Variants in CCDC3 observed in about 807,000 individuals in gnomAD.
The protein encoded by CCDC3 is coiled-coil domain-containing protein 3.
A neutral mutation model predicts 21.4 loss-of-function variants in CCDC3; 24 were observed. The ratio of observed to expected loss-of-function variants is 1.12; its 90% CI spans 0.81 to 1.58. The LOEUF (loss-of-function observed/expected upper bound fraction) is 1.58. Ranked by LOEUF, CCDC3 falls within the 40% of genes most tolerant of loss-of-function variation. The pLI, the probability that CCDC3 is intolerant of heterozygous loss-of-function variation, is 0.00. For missense variants in CCDC3, 425 were observed against 360.9 expected (o/e 1.18, Z -1.44); for synonymous variants, 186 against 166.0 (o/e 1.12, Z -0.93).
chr10:13,082,010 C>T (rs1425344299), intron 3 of CCDC3, among the ~76,000 whole-genome samples: 1 of 152,192 alleles, frequency 6.6e-6, no homozygotes, highest in African/African-American at 2.4e-5. Context: ...GGGTCAGCCC[C>T]CGAGGGCCAT....
chr10:13,074,816 A>T (rs1012880242), intron 3 of CCDC3, among the ~76,000 whole-genome samples: 7 of 152,218 alleles, frequency 4.6e-5, no homozygotes, highest in Non-Finnish European at 7.3e-5. Context: ...ATATTACCAC[A>T]TTCCAGGAGG....
intron 5 of CCDC3, among the ~76,000 whole-genome samples, chr10:13,035,574 C>CTG (rs1836367681): frequency 6.6e-6 from 1 of 152,174 alleles, no homozygotes; most frequent in South Asian, 2.1e-4. Flanking sequence ...TGTATCATTT[C>CTG]TGTGTATGTT....
chr10:12,966,915 A>G (rs1434696012), intron 2 of CCDC3, among the ~76,000 whole-genome samples: 1 of 152,200 alleles, frequency 6.6e-6, no homozygotes, highest in Non-Finnish European at 1.5e-5. Flanking sequence ...CAAACCTGGG[A>G]GGAAGGCAGG....
intron 3 of CCDC3, among the ~76,000 whole-genome samples, chr10:13,078,987 G>A (rs976577161): frequency 2.6e-5 from 4 of 152,048 alleles, no homozygotes; most frequent in Non-Finnish European, 5.9e-5. Flanking sequence ...TTGTGCACAT[G>A]TACCCTAGAA....
chr10:12,980,510 A>T (rs1835480788), intron 2 of CCDC3, among the ~76,000 whole-genome samples: 1 of 152,162 alleles, frequency 6.6e-6, no homozygotes, highest in African/African-American at 2.4e-5. Context: ...GATGGATGGG[A>T]TGAGGCAGAA....
At chr10:12,993,081 C>T (rs1835704295) in intron 2 of CCDC3, among the ~76,000 whole-genome samples, 1 of 152,234 alleles carries the variant, frequency 6.6e-6, no homozygotes, top group Non-Finnish European at 1.5e-5. Context: ...GATGTTGCCA[C>T]TACTCCATGG....
intron 2 of CCDC3, among the ~76,000 whole-genome samples, chr10:12,997,242 GAAAAAA>G (rs35942622): frequency 6.9e-6 from 1 of 144,506 alleles, no homozygotes; most frequent in Admixed American, 6.9e-5. Context: ...TTCGTTAATG[GAAAAAA>G]AAAAAAAAAG....
intron 3 of CCDC3, among the ~76,000 whole-genome samples, chr10:13,075,894 T>A (rs879726384): frequency 2.6e-5 from 4 of 151,690 alleles, no homozygotes; most frequent in South Asian, 2.1e-4. Flanking sequence ...ACTAAAAAAA[T>A]AAAATAAAAT....
Position 12,898,470 on chromosome 10 carries a change from C to T in CCDC3, c.759G>A (p.Ala253=), listed in dbSNP as rs774611604. The T allele has an allele frequency of 6.8e-6, 11 of 1,612,826 alleles. No individual in the cohort carries two copies. The Admixed American group carries it at 1.2e-4, about 17-fold the overall frequency. ...GCCCCCGGGCATTGATGTGCGGCAG[C>T]GCGCCCGCCGCCAGCTTCTCACTGA... is the stretch of plus-strand genomic sequence containing the variant. The part of the protein sequence containing the change: ...QKLSEKLAAG[A]LPHINARGPV... The change falls in exon 3 of 3, where the codon GCG becomes GCA. Residue 253 remains alanine, a synonymous_variant. Coordinates refer to ENST00000378825, the MANE Select transcript of CCDC3 (RefSeq NM_031455.4).
chr10:13,072,858 CTTTTCTTTCTTTTTTTTT>C, intron 4 of CCDC3, among the ~76,000 whole-genome samples: 1 of 96,802 alleles, frequency 1.0e-5, no homozygotes, highest in South Asian at 4.7e-4. Context: ...CTTTTCTTTT[CTTTTCTTTCTTTTTTTTT>C]TTTTTTTTGA....
chr10:12,902,370 A>G (rs1834108504), intron 2 of CCDC3, among the ~76,000 whole-genome samples: 2 of 152,192 alleles, frequency 1.3e-5, no homozygotes, highest in Non-Finnish European at 2.9e-5. Context: ...GAGAACTGAC[A>G]GTATTTCTAT....
intron 2 of CCDC3, among the ~76,000 whole-genome samples, chr10:12,976,226 A>C (rs1397750334): frequency 6.6e-6 from 1 of 152,236 alleles, no homozygotes; most frequent in African/African-American, 2.4e-5. Context: ...GGCAACCTGC[A>C]GTCAGGAAAT....
intron 3 of CCDC3, among the ~76,000 whole-genome samples, chr10:13,081,955 C>T (rs1238578409): frequency 1.3e-5 from 2 of 152,246 alleles, no homozygotes; most frequent in Non-Finnish European, 2.9e-5. Flanking sequence ...TGACAGTGAA[C>T]TGTGCCAAAC....
chr10:12,907,203 T>TA (rs373903343), intron 2 of CCDC3, among the ~76,000 whole-genome samples: 373 of 152,300 alleles, frequency 2.4e-3, no homozygotes, highest in African/African-American at 8.3e-3. Flanking sequence ...AGTAAGCACT[T>TA]AATAAATGGA....
chr10:13,082,462 C>T (rs1321458934), intron 3 of CCDC3, among the ~76,000 whole-genome samples: 3 of 152,212 alleles, frequency 2.0e-5, no homozygotes, highest in South Asian at 2.1e-4. Context: ...GGAGCGTGAC[C>T]GCTGAAGCAC....
intron 5 of CCDC3, among the ~76,000 whole-genome samples, chr10:13,031,271 G>A (rs1181134244): frequency 6.6e-6 from 1 of 152,170 alleles, no homozygotes; most frequent in African/African-American, 2.4e-5. Flanking sequence ...AATGAAGGCA[G>A]AAATAAAGAT....
intron 2 of CCDC3, among the ~76,000 whole-genome samples, chr10:12,988,261 C>G (rs1835627733): frequency 6.6e-6 from 1 of 152,174 alleles, no homozygotes; most frequent in African/African-American, 2.4e-5. Flanking sequence ...GCATGCTTTT[C>G]TGCCTGATCT....
At chr10:13,094,924 C>T (rs35092199) in intron 3 of CCDC3, among the ~76,000 whole-genome samples, 26,244 of 151,934 alleles carry the variant, frequency 0.17, 2,641 homozygotes, top group Middle Eastern at 0.24. Context: ...GCACACACAC[C>T]GTGAACAGGC....
At chr10:13,017,947 G>T (rs1418488809) in intron 5 of CCDC3, among the ~76,000 whole-genome samples, 1 of 151,928 alleles carries the variant, frequency 6.6e-6, no homozygotes, top group African/African-American at 2.4e-5. Context: ...GTAACTAACC[G>T]GGCTAAGATT....
Sources: gnomAD v4.1 joint callset for allele counts (sites outside exome capture counted in the v4.1 genomes callset) on GRCh38, gnomAD v4.1.1 for gene constraint, MANE v1.5 for transcripts, NCBI Gene and HGNC (gene_info 2026-07-23, HGNC 2026-07-21) for gene names.